Variants in CIP2A observed in about 807,000 individuals in gnomAD.
CIP2A encodes the protein cellular inhibitor of PP2A, also known as protein CIP2A.
In CIP2A, 103 loss-of-function variants were observed where a neutral mutation model predicts 110.9. The observed-to-expected ratio is 0.93, with a 90% CI of 0.79 to 1.09. The LOEUF (loss-of-function observed/expected upper bound fraction) is 1.09, where lower values mean the gene tolerates loss of function less well. Among genes scored for constraint, CIP2A ranks in the 50% least tolerant of loss-of-function variants. CIP2A has a pLI of 0.00. For synonymous variants in CIP2A, 381 were observed against 361.6 expected, an observed-to-expected ratio of 1.05 and a Z score of -0.61; for missense variants, 1,088 against 1,038.4, an observed-to-expected ratio of 1.05 and a Z score of -0.66.
At chr3:108,557,474 T>C (rs937787545) in intron 16 of CIP2A, 60 bp from the exon 17 acceptor site, 11 of 1,245,838 alleles carry the variant, frequency 8.8e-6, no homozygotes, top group Admixed American at 2.5e-5. Context: ...GCTCAACACA[T>C]ACCTACAATT....
rs186472584 is a variant in CIP2A at position 108,563,866 on chromosome 3, T to C, written c.1516-622A>G. 3.3e-4 allele frequency among the ~76,000 whole-genome samples: 50 copies of C among 152,098 alleles called. 1 individual carries two copies. The East Asian group carries it at 5.8e-3, about 18-fold the overall frequency. On this transcript the variant is annotated intron_variant, in intron 12 of 20. Coordinates refer to ENST00000295746, the MANE Select transcript of CIP2A (RefSeq NM_020890.3). ...GCATCCCTAATCCAAAAACCCAAAA[T>C]GCTTCAGTGAGCACTTCCTTTGAGT...
chr3:108,579,371 A>G lies in CIP2A; in HGVS notation c.728T>C (p.Ile243Thr), dbSNP rs755950313. The G allele has an allele frequency of 2.1e-5, 34 of 1,605,472 alleles. No individual in the cohort carries two copies. The highest frequency in any genetic ancestry group is 2.8e-5 in the Non-Finnish European group (33 of 1,172,678). The change falls in exon 7 of 21, where the codon ATA becomes ACA. Residue 243 changes from isoleucine to threonine, a missense_variant. Physicochemically the swap from Ile to Thr is moderately conservative, Grantham distance 89 (BLOSUM62 -1). Transcript: ENST00000295746. ...QTFQLIFNIL[I>T]NGDGTLTRKY... Reference sequence around the variant, plus strand: ...TCTAGTTAGAGTGCCATCACCGTTTATGAGAATATTAAATATTAGTTGAAA... The same window carrying G: ...TCTAGTTAGAGTGCCATCACCGTTTGTGAGAATATTAAATATTAGTTGAAA...
chr3:108,554,245 T>G, intron 18 of CIP2A, 131 bp downstream of exon 18: 1 of 535,878 alleles, frequency 1.9e-6, no homozygotes. Flanking sequence ...TTCCACCAAA[T>G]ACATATCTTA....
chr3:108,588,065 C>CT (rs1939134350), intron 1 of CIP2A, among the ~76,000 whole-genome samples: 1 of 152,056 alleles, frequency 6.6e-6, no homozygotes, highest in Non-Finnish European at 1.5e-5. Context: ...GGTGTAAGCC[C>CT]CTGTGCCTTA....
chr3:108,589,349 G>A lies in CIP2A; in HGVS notation c.27C>T (p.Ser9=). ...TGTACTGACTGACAGTCAGGAGCAA[G>A]GACTTCAAGCAGGCAGTGGAGTCCA... MDSTACLK[S]LLLTVSQYKA... is the part of the protein sequence containing the mutation. Residue 9 remains serine (S), a synonymous_variant, in exon 1 of 21, where the codon TCC becomes TCT. Transcript: ENST00000295746. The A allele has an allele frequency of 6.2e-7, 1 of 1,613,866 alleles. No homozygotes were observed. Among genetic ancestry groups the A allele is most frequent in the Non-Finnish European group, 8.5e-7 (1 of 1,179,872 alleles).
intron 11 of CIP2A, among the ~76,000 whole-genome samples, 187 bp downstream of exon 11, chr3:108,566,310 C>T (rs1938179516): frequency 6.6e-6 from 1 of 151,396 alleles, no homozygotes; most frequent in African/African-American, 2.4e-5. Flanking sequence ...ATGTTAATAC[C>T]TTTCTTCAAA....
At chr3:108,572,411 T>A (rs1442633516) in intron 8 of CIP2A, among the ~76,000 whole-genome samples, 1 of 152,088 alleles carries the variant, frequency 6.6e-6, no homozygotes, top group East Asian at 1.9e-4. Context: ...TTTCCCCATA[T>A]GTATATTCAA....
chr3:108,588,560 G>A (rs891421902), intron 1 of CIP2A, among the ~76,000 whole-genome samples: 9 of 152,118 alleles, frequency 5.9e-5, no homozygotes, highest in African/African-American at 1.7e-4. Context: ...GTGACACAGA[G>A]AGTTAAAATA....
At chr3:108,566,433 G>C in intron 11 of CIP2A, 64 bp downstream of exon 11, 10 of 1,289,054 alleles carry the variant, frequency 7.8e-6, no homozygotes, top group Non-Finnish European at 1.1e-5. Flanking sequence ...AAAAGGATGA[G>C]AATCACCACA....
chr3:108,586,590 G>T (rs1488809985), intron 1 of CIP2A, among the ~76,000 whole-genome samples: 1 of 151,950 alleles, frequency 6.6e-6, no homozygotes, highest in East Asian at 1.9e-4. Flanking sequence ...ACTTACTCTG[G>T]CCTAGGCATC....
chr3:108,569,696 A>AT, intron 8 of CIP2A, 89 bp from the exon 9 acceptor site: 1 of 952,378 alleles, frequency 1.0e-6, no homozygotes, highest in Admixed American at 2.5e-5. Context: ...AATGCTACAT[A>AT]TTTTAAAGAA....
rs1576301738 is a variant in CIP2A, at chr3:108,560,846, A to G, written c.1635-5T>C. ...GCTGCTATACTTTCTCCAAGTCTGA[A>G]TGGGAGTCAAAGAAAGGAAAAAAAA... On this transcript the variant is annotated splice_region_variant and splice_polypyrimidine_tract_variant and intron_variant, in intron 13 of 20. Coordinates refer to ENST00000295746, the MANE Select transcript of CIP2A (RefSeq NM_020890.3). The G allele has an allele frequency of 6.5e-7, 1 of 1,529,220 alleles. No homozygotes were observed. Among genetic ancestry groups the G allele is most frequent in the East Asian group, 2.3e-5 (1 of 42,690 alleles). The allele number at this position is 1,529,220 out of a possible 1,614,324, so 94.7% of individuals were successfully genotyped here.
intron 10 of CIP2A, 46 bp downstream of exon 10, chr3:108,568,109 G>C (rs1379264456): frequency 1.4e-6 from 2 of 1,386,696 alleles, no homozygotes; most frequent in East Asian, 4.9e-5. Context: ...AGAAAAAAAA[G>C]AATGGTTAGT....
intron 8 of CIP2A, among the ~76,000 whole-genome samples, chr3:108,572,749 G>A (rs1010562194): frequency 1.0e-5 from 1 of 97,048 alleles, no homozygotes; most frequent in African/African-American, 2.9e-5. Context: ...ATACTCTCAC[G>A]TCATCTGAAT....
Position 108,560,811 on chromosome 3 carries a change from G to C in CIP2A, c.1665C>G (p.Ala555=). The change falls in exon 14 of 21, where the codon GCC becomes GCG. Residue 555 remains alanine (A), a synonymous_variant. Transcript: ENST00000295746. ...TATGTTCTGTTTCCTGTTGTCTATA[G>C]GCATTGTTTGCTGCTATACTTTCTC... ...VLGESIAANN[A]YRQQETEHIP... 1.2e-6 allele frequency: 2 copies of C among 1,606,548 alleles called. No homozygotes were observed. The highest frequency in any genetic ancestry group is 1.7e-6 in the Non-Finnish European group (2 of 1,176,908).
At chr3:108,580,481 C>T (rs1184556856) in intron 5 of CIP2A, among the ~76,000 whole-genome samples, 1 of 124,690 alleles carries the variant, frequency 8.0e-6, no homozygotes, top group Non-Finnish European at 1.9e-5. Context: ...ACAGTTACTC[C>T]ACCTCCAAAG....
chr3:108,568,240 T>G lies in CIP2A; in HGVS notation c.1188A>C (p.Gln396His). 1 of 1,612,360 alleles carries G rather than the reference T, an allele frequency of 6.2e-7. No individual in the cohort carries two copies. Among genetic ancestry groups the G allele is most frequent in the African/African-American group, 1.3e-5 (1 of 74,948 alleles). The change falls in exon 10 of 21, where the codon CAA becomes CAC. Residue 396 changes from glutamine (Q) to histidine (H), a missense_variant. Gln to His is a conservative substitution (Grantham distance 24, BLOSUM62 0). Transcript: ENST00000295746. ...CTAGATTTTGTTCTGTGAACTGAAG[T>G]TGATCAAGGATTGTAGGCAGCAGAA... is the stretch of plus-strand genomic sequence containing the variant. ...VTLLLPTILD[Q>H]LQFTEQNLDE...
intron 13 of CIP2A, among the ~76,000 whole-genome samples, 181 bp downstream of exon 13, chr3:108,562,945 A>G (rs1938057277): frequency 6.6e-6 from 1 of 152,156 alleles, no homozygotes; most frequent in Non-Finnish European, 1.5e-5. Context: ...TCCCTGAGTG[A>G]GTATACATCT....
At chr3:108,569,777 G>A (rs1000448018) in intron 8 of CIP2A, among the ~76,000 whole-genome samples, 170 bp from the exon 9 acceptor site, 1 of 151,950 alleles carries the variant, frequency 6.6e-6, no homozygotes, top group Non-Finnish European at 1.5e-5. Flanking sequence ...GGTTCTAGAA[G>A]ATTATAAAAT....
Sources: allele counts gnomAD v4.1 joint callset (sites outside exome capture counted in the v4.1 genomes callset), GRCh38; gene constraint gnomAD v4.1.1; transcripts MANE v1.5; gene names NCBI Gene and HGNC (gene_info 2026-07-23, HGNC 2026-07-21).